Variants in CEP63 observed in about 807,000 individuals in gnomAD.
The protein encoded by CEP63 is centrosomal protein of 63 kDa.
A neutral mutation model predicts 89.1 loss-of-function variants in CEP63; 84 were observed. The ratio of observed to expected loss-of-function variants is 0.94; its 90% CI spans 0.79 to 1.13. CEP63 has a LOEUF of 1.13. Ranked by LOEUF, CEP63 falls within the 50% of genes most tolerant of loss-of-function variation. The pLI is 0.00. For synonymous variants in CEP63, 267 were observed against 272.5 expected (o/e 0.98, Z 0.20); for missense variants, 838 against 813.3 (o/e 1.03, Z -0.37).
At chr3:134,527,665 G>A (rs1439910424) in intron 3 of CEP63, among the ~76,000 whole-genome samples, 1 of 152,186 alleles carries the variant, frequency 6.6e-6, no homozygotes, top group Non-Finnish European at 1.5e-5. Context: ...GTACAGGCTG[G>A]TGCATAGCCA....
chr3:134,706,912 C>A, the CEP63 span, among the ~76,000 whole-genome samples: 22 of 152,270 alleles, frequency 1.4e-4, no homozygotes, highest in Admixed American at 3.9e-4. Flanking sequence ...CATGTCAAAT[C>A]TCTCTCTACT....
intron 3 of CEP63, among the ~76,000 whole-genome samples, chr3:134,520,561 A>G (rs1947221954): frequency 6.6e-6 from 1 of 152,206 alleles, no homozygotes; most frequent in South Asian, 2.1e-4. Context: ...TTGATTCTCA[A>G]ATTTATATGG....
intron 10 of CEP63, among the ~76,000 whole-genome samples, chr3:134,587,125 G>A (rs557322325): frequency 6.6e-6 from 1 of 152,056 alleles, no homozygotes; most frequent in African/African-American, 2.4e-5. Context: ...GCTTCCTTGC[G>A]ATGGGTTAGA....
At chr3:134,603,657 T>C in the CEP63 span, 22 of 1,613,474 alleles carry the variant, frequency 1.4e-5, no homozygotes, top group East Asian at 4.5e-4. Context: ...TGACATAGAC[T>C]TCCTGGCAGC....
At position 134,561,623 on chromosome 3, in the gene CEP63, G is replaced by T; in HGVS notation, c.*88G>T. Reference sequence around the variant, plus strand: ...AGTAGCAGCTCTTTAAAAACATGAAGAGATAAAATTATAAAAATGATACAT... The same window carrying T: ...AGTAGCAGCTCTTTAAAAACATGAATAGATAAAATTATAAAAATGATACAT... On this transcript the variant is annotated 3_prime_UTR_variant, in exon 15 of 15. Coordinates refer to ENST00000675561, the MANE Select transcript of CEP63 (RefSeq NM_001353108.3). 4.6e-6 allele frequency: 7 copies of T among 1,533,830 alleles called. No individual in the cohort carries two copies. Among genetic ancestry groups the T allele is most frequent in the Non-Finnish European group, 6.1e-6 (7 of 1,141,362 alleles).
At chr3:134,696,011 G>A in the CEP63 span, among the ~76,000 whole-genome samples, 2 of 152,300 alleles carry the variant, frequency 1.3e-5, no homozygotes, top group South Asian at 2.1e-4. Context: ...CACCACCCTG[G>A]TGTACTTCTC....
the CEP63 span, among the ~76,000 whole-genome samples, chr3:134,626,769 G>T: frequency 1.3e-5 from 2 of 152,202 alleles, no homozygotes; most frequent in Non-Finnish European, 1.5e-5. Context: ...GGGCCCAGGG[G>T]TTTCTTGCCT....
chr3:134,781,760 C>T, the CEP63 span, among the ~76,000 whole-genome samples: 1 of 152,206 alleles, frequency 6.6e-6, no homozygotes, highest in Admixed American at 6.5e-5. Context: ...AGCAAACTTG[C>T]TCATGATTTT....
At chr3:134,698,885 T>G in the CEP63 span, among the ~76,000 whole-genome samples, 1 of 152,258 alleles carries the variant, frequency 6.6e-6, no homozygotes, top group African/African-American at 2.4e-5. Flanking sequence ...GGTTCTGAGC[T>G]GGATGGGCAC....
chr3:134,657,163 C>A, the CEP63 span, among the ~76,000 whole-genome samples: 1 of 152,170 alleles, frequency 6.6e-6, no homozygotes, highest in Admixed American at 6.5e-5. Context: ...AAGACTCTTA[C>A]ATGGCGGCAG....
chr3:134,500,519 C>T (rs1242097643), intron 2 of CEP63, among the ~76,000 whole-genome samples: 1 of 152,190 alleles, frequency 6.6e-6, no homozygotes, highest in Non-Finnish European at 1.5e-5. Flanking sequence ...GAGAAATCTC[C>T]AAACTGCTTT....
the CEP63 span, chr3:134,608,579 G>A: frequency 1.1e-5 from 18 of 1,612,594 alleles, no homozygotes; most frequent in East Asian, 2.2e-5. Context: ...AGTCTCAGGC[G>A]GGCTCCTGGA....
Position 134,564,450 on chromosome 3 carries a change from CTG to C in CEP63, c.*2922_*2923del. ...TTCTCCTCATTGCTGTCATGGCACC[CTG>C]TGTGTGGCTCTGACCAGACTTTGCT... On this transcript the variant is annotated 3_prime_UTR_variant, in exon 15 of 15. Transcript: ENST00000675561. 1 of 985,486 alleles carries C rather than the reference CTG, an allele frequency of 1.0e-6. No homozygotes were observed. Among genetic ancestry groups the C allele is most frequent in the East Asian group, 1.1e-4 (1 of 8,812 alleles). 61.0% of individuals were successfully genotyped at this position (985,486 alleles called of 1,614,324 possible).
the CEP63 span, among the ~76,000 whole-genome samples, chr3:134,766,800 C>T: frequency 6.6e-6 from 1 of 152,162 alleles, no homozygotes; most frequent in African/African-American, 2.4e-5. Flanking sequence ...GAAGGAGAAA[C>T]CTGTACTCAT....
chr3:134,713,077 A>C, the CEP63 span, among the ~76,000 whole-genome samples: 1 of 152,152 alleles, frequency 6.6e-6, no homozygotes, highest in Admixed American at 6.6e-5. Context: ...AATAATACTG[A>C]ACTCTCAAAA....
At chr3:134,707,656 G>A in the CEP63 span, among the ~76,000 whole-genome samples, 1 of 151,624 alleles carries the variant, frequency 6.6e-6, no homozygotes, top group Admixed American at 6.6e-5. Flanking sequence ...CAACGGTGAT[G>A]TTGAACAGTG....
downstream of CEP63, among the ~76,000 whole-genome samples, chr3:134,567,953 C>T (rs1173321112): frequency 6.6e-6 from 1 of 152,222 alleles, no homozygotes; most frequent in African/African-American, 2.4e-5. Flanking sequence ...AAGTTCTGCC[C>T]TAAGACTGCT....
At chr3:134,651,264 T>C in the CEP63 span, 2 of 1,203,274 alleles carry the variant, frequency 1.7e-6, no homozygotes, top group Non-Finnish European at 2.1e-6. Flanking sequence ...GTCCAGAGCC[T>C]CCCTCCCTGC....
At position 134,537,141 on chromosome 3, in the gene CEP63, A is replaced by G; in HGVS notation, c.442-14A>G. On this transcript the variant is annotated splice_polypyrimidine_tract_variant and intron_variant, in intron 5 of 14. Coordinates refer to ENST00000675561, the MANE Select transcript of CEP63 (RefSeq NM_001353108.3). ...GAAGCACTCAGAAATTAAGTACTCT[A>G]ATTGCCTCCTCAGGAATTCCGTCAG... 2 of 1,545,626 alleles carry G rather than the reference A, an allele frequency of 1.3e-6. No homozygotes were observed. The highest frequency in any genetic ancestry group is 1.8e-6 in the Non-Finnish European group (2 of 1,117,774).
Sources: allele counts gnomAD v4.1 joint callset (sites outside exome capture counted in the v4.1 genomes callset), GRCh38; gene constraint gnomAD v4.1.1; transcripts MANE v1.5; gene names NCBI Gene and HGNC (gene_info 2026-07-23, HGNC 2026-07-21).